STX19: variants seen among roughly 807,000 people sequenced by gnomAD.
STX19 encodes syntaxin 19.
Under a neutral mutation model 24.3 loss-of-function variants are expected in STX19, and 26 were observed. The observed-to-expected ratio is 1.07, with a 90% CI of 0.78 to 1.48. The LOEUF (loss-of-function observed/expected upper bound fraction) is 1.48. Ranked by LOEUF, STX19 falls within the 40% of genes most tolerant of loss-of-function variation. The pLI is 0.00. For synonymous variants in STX19, 116 were observed against 106.9 expected (o/e 1.09, Z -0.52); for missense variants, 367 against 331.9 (o/e 1.11, Z -0.82).
intron 1 of STX19, among the ~76,000 whole-genome samples, chr3:94,019,303 T>C (rs1179348568): frequency 1.3e-5 from 2 of 151,972 alleles, no homozygotes; most frequent in East Asian, 3.9e-4. Flanking sequence ...TTCAATCGAT[T>C]CTTCTGCCTC....
intron 1 of STX19, among the ~76,000 whole-genome samples, chr3:94,020,431 A>G (rs970180737): frequency 1.4e-4 from 22 of 151,818 alleles, no homozygotes; most frequent in Non-Finnish European, 2.8e-4. Flanking sequence ...GAAGGACTCA[A>G]CTCTTTATAC....
Position 94,015,216 on chromosome 3 carries a change from A to G in STX19, c.54T>C (p.Ser18=), listed in dbSNP as rs1450224402. Residue 18 remains serine (S), a synonymous_variant, in exon 2 of 2, where the codon TCT becomes TCC. Coordinates refer to ENST00000315099, the MANE Select transcript of STX19 (RefSeq NM_001001850.3). ...CTGTAGTTGATACATGACTGTCTCT[A>G]GAGAGTTCAATTTCCTTTGTTCTCT... ...LKQRTKEIEL[S]RDSHVSTTET... 6.3e-7 allele frequency: 1 copy of G among 1,596,046 alleles called. No homozygotes were observed. The highest frequency in any genetic ancestry group is 1.8e-5 in the Admixed American group (1 of 55,242).
At chr3:94,019,904 T>G (rs934081488) in intron 1 of STX19, among the ~76,000 whole-genome samples, 1 of 152,200 alleles carries the variant, frequency 6.6e-6, no homozygotes, top group African/African-American at 2.4e-5. Flanking sequence ...GTGACGTTTT[T>G]CCCCAACCCA....
chr3:94,022,250 T>C (rs2076464160), intron 1 of STX19, among the ~76,000 whole-genome samples: 1 of 151,996 alleles, frequency 6.6e-6, no homozygotes, highest in Non-Finnish European at 1.5e-5. Flanking sequence ...CTCAGCCTCC[T>C]GAGTAGCTGG....
intron 1 of STX19, among the ~76,000 whole-genome samples, chr3:94,026,625 G>A (rs1000754263): frequency 3.9e-5 from 6 of 152,100 alleles, no homozygotes; most frequent in African/African-American, 1.2e-4. Context: ...GCAAGGACAG[G>A]ATTCATATAA....
chr3:94,015,797 G>T (rs192648064), intron 1 of STX19, among the ~76,000 whole-genome samples: 32 of 152,172 alleles, frequency 2.1e-4, no homozygotes, highest in Non-Finnish European at 3.8e-4. Context: ...GGATAATATT[G>T]AATTTATTTT....
chr3:94,024,669 T>G (rs1309014978), intron 1 of STX19, among the ~76,000 whole-genome samples: 3 of 152,184 alleles, frequency 2.0e-5, no homozygotes, highest in Non-Finnish European at 4.4e-5. Flanking sequence ...CACTGCAGCC[T>G]CTACCTCCCA....
In STX19 at chr3:94,023,047, T is replaced by C. The variant is rs542829238; in HGVS notation, c.-14+5320A>G. Among the ~76,000 whole-genome samples, 5 of 152,198 alleles carry C rather than the reference T, an allele frequency of 3.3e-5. No homozygotes were observed. In the East Asian group the frequency reaches 7.7e-4, roughly 23 times the overall value. ...TGATTGTGTTAGAATTTTCTTCCTC[T>C]TTTATATTCTCTATTTTTGATTTCC... On this transcript the variant is annotated intron_variant, in intron 1 of 1. Transcript: ENST00000315099.
Position 94,014,973 on chromosome 3 carries a change from T to C in STX19, c.297A>G (p.Lys99=). ...KRESTITKEI[K]IQAEYINRSL... is the part of the protein sequence containing the mutation. ...TTCTGTTGATGTATTCTGCCTGAAT[T>C]TTTATCTCCTTTGTAATGGTAGACT... Residue 99 remains lysine (K), a synonymous_variant, in exon 2 of 2, where the codon AAA becomes AAG. Transcript: ENST00000315099. 1 of 1,614,054 alleles carries C rather than the reference T, an allele frequency of 6.2e-7. No individual in the cohort carries two copies. The highest frequency in any genetic ancestry group is 8.5e-7 in the Non-Finnish European group (1 of 1,179,944).
At position 94,014,671 on chromosome 3, in the gene STX19, G is replaced by A. The variant is rs367550619; in HGVS notation, c.599C>T (p.Thr200Ile). 8 of 1,613,380 alleles carry A rather than the reference G, an allele frequency of 5.0e-6. No homozygotes were observed. Among genetic ancestry groups the A allele is most frequent in the African/African-American group, 2.7e-5 (2 of 74,892 alleles). ...KWEVFNESLLTEINITKAQLS... is the reference protein window; with the variant it reads ...KWEVFNESLLIEINITKAQLS... ...TTGTGCTTTAGTGATATTGATTTCT[G>A]TAAGTAAGCTTTCATTAAAAACTTC... is the stretch of plus-strand genomic sequence containing the variant. The change falls in exon 2 of 2, where the codon ACA becomes ATA. Residue 200 changes from threonine (T) to isoleucine (I), a missense_variant. Transcript: ENST00000315099.
intron 1 of STX19, among the ~76,000 whole-genome samples, chr3:94,025,319 G>C (rs2076532960): frequency 6.6e-6 from 1 of 151,558 alleles, no homozygotes; most frequent in East Asian, 1.9e-4. Context: ...CATGGAAATA[G>C]AATCAGGTTT....
At chr3:94,019,730 T>A (rs1354569845) in intron 1 of STX19, among the ~76,000 whole-genome samples, 1 of 152,160 alleles carries the variant, frequency 6.6e-6, no homozygotes, top group Non-Finnish European at 1.5e-5. Context: ...CCACAATGAC[T>A]TCACCCCTTC....
chr3:94,019,096 T>G (rs954273092), intron 1 of STX19, among the ~76,000 whole-genome samples: 1 of 151,566 alleles, frequency 6.6e-6, no homozygotes, highest in Non-Finnish European at 1.5e-5. Context: ...TTTTTCTACA[T>G]TTCATATGCA....
intron 1 of STX19, among the ~76,000 whole-genome samples, chr3:94,026,501 G>C (rs537688209): frequency 3.9e-5 from 6 of 152,154 alleles, no homozygotes; most frequent in Non-Finnish European, 7.4e-5. Flanking sequence ...ACATTTTCTA[G>C]TAGTTGCATA....
At position 94,015,110 on chromosome 3, in the gene STX19, T is replaced by A. The variant is rs1200698507; in HGVS notation, c.160A>T (p.Ile54Phe). 6.2e-7 allele frequency: 1 copy of A among 1,613,926 alleles called. No individual in the cohort carries two copies. Among genetic ancestry groups the A allele is most frequent in the Non-Finnish European group, 8.5e-7 (1 of 1,179,924 alleles). The change falls in exon 2 of 2, where the codon ATC (isoleucine) becomes TTC (phenylalanine). Residue 54 changes from isoleucine (I) to phenylalanine (F), a missense_variant. By Grantham distance (21) the Ile-to-Phe change is conservative. Transcript: ENST00000315099. ...TTAATACTTTCCTGTAGTTTTTGGA[T>A]TTCATGTAGGTGTCTCTCAGCTACA... ...EPVAERHLHE[I>F]QKLQESINNL...
chr3:94,017,661 A>G (rs974062728), intron 1 of STX19, among the ~76,000 whole-genome samples: 34 of 152,316 alleles, frequency 2.2e-4, no homozygotes, highest in Admixed American at 2.2e-3. Flanking sequence ...ACAATATACA[A>G]TTTAAAAGAT....
intron 1 of STX19, among the ~76,000 whole-genome samples, chr3:94,021,296 G>A (rs1455154396): frequency 6.6e-6 from 1 of 151,618 alleles, no homozygotes; most frequent in East Asian, 1.9e-4. Context: ...TGGGTTCGAA[G>A]CGATTCTCCT....
intron 1 of STX19, among the ~76,000 whole-genome samples, chr3:94,018,698 G>A (rs1055606343): frequency 6.6e-6 from 1 of 152,066 alleles, no homozygotes; most frequent in Non-Finnish European, 1.5e-5. Context: ...CTGTGAACCC[G>A]TAAACTGCCC....
intron 1 of STX19, among the ~76,000 whole-genome samples, chr3:94,021,182 T>G: frequency 6.8e-6 from 1 of 146,450 alleles, no homozygotes; most frequent in African/African-American, 2.5e-5. Context: ...TTTAATATTA[T>G]TATATATATA....
Sources: gnomAD v4.1 joint callset for allele counts (sites outside exome capture counted in the v4.1 genomes callset) on GRCh38, gnomAD v4.1.1 for gene constraint, MANE v1.5 for transcripts, NCBI Gene and HGNC (gene_info 2026-07-23, HGNC 2026-07-21) for gene names.